Variants in FNDC3B observed in about 807,000 individuals in gnomAD.
The protein encoded by FNDC3B is fibronectin type III domain-containing protein 3B.
A neutral mutation model predicts 151.5 loss-of-function variants in FNDC3B; 12 were observed. That is an observed-to-expected ratio of 0.08 (90% CI 0.05 to 0.13). FNDC3B has a LOEUF of 0.13. FNDC3B is among the 10% of genes least tolerant of loss of function. The probability of loss-of-function intolerance (pLI) is 1.00; values close to 1 mark genes in which losing one functional copy is unlikely to be tolerated. For missense variants in FNDC3B, 1,214 were observed against 1,505.3 expected (o/e 0.81, Z 3.20); for synonymous variants, 528 against 549.0 (o/e 0.96, Z 0.54).
At chr3:172,368,387 A>G (rs1285084) in intron 23 of FNDC3B, among the ~76,000 whole-genome samples, 144,126 of 152,280 alleles carry the variant, frequency 0.95, 68,349 homozygotes, top group East Asian at 1. Context: ...CCATGTTGCC[A>G]AATTAAATGA....
intron 3 of FNDC3B, among the ~76,000 whole-genome samples, chr3:172,181,409 A>C (rs1371019672): frequency 3.4e-5 from 5 of 145,136 alleles, no homozygotes; most frequent in Middle Eastern, 3.5e-3. Context: ...AAAAAAAAAA[A>C]AAAAACAAAA....
At chr3:172,317,698 A>G (rs562397333) in intron 11 of FNDC3B, among the ~76,000 whole-genome samples, 5 of 152,244 alleles carry the variant, frequency 3.3e-5, no homozygotes, top group Admixed American at 6.5e-5. Context: ...TATTGTTGAT[A>G]TAAGTTTACC....
rs71904311 is a variant in FNDC3B at position 172,346,213 on chromosome 3, TTGA to T, written c.2251-105_2251-103del. On this transcript the variant is annotated intron_variant, in intron 19 of 25. Coordinates refer to ENST00000415807, the MANE Select transcript of FNDC3B (RefSeq NM_022763.4). Reference sequence around the variant, plus strand: ...GGGTAATATTTGTTAATTAGTTGTGTTGATGATGATGTTAGCCTAGCTTTTATT... The same window carrying T: ...GGGTAATATTTGTTAATTAGTTGTGTTGATGATGTTAGCCTAGCTTTTATT... The T allele has an allele frequency of 8.8e-3, 4,485 of 507,188 alleles. 193 individuals carry two copies. Among genetic ancestry groups the T allele is most frequent in the African/African-American group, 0.078 (4,021 of 51,380 alleles). The allele number at this position is 507,188 out of a possible 1,614,324, so 31.4% of individuals were successfully genotyped here.
chr3:172,117,209 T>A (rs1016204951), intron 2 of FNDC3B, among the ~76,000 whole-genome samples: 1 of 152,238 alleles, frequency 6.6e-6, no homozygotes, highest in Non-Finnish European at 1.5e-5. Flanking sequence ...ACAGCCTAGC[T>A]TAGCTAAATA....
chr3:172,362,448 C>G (rs1576946977), intron 22 of FNDC3B, among the ~76,000 whole-genome samples, 185 bp from the exon 23 acceptor site: 1 of 151,770 alleles, frequency 6.6e-6, no homozygotes, highest in East Asian at 1.9e-4. Flanking sequence ...TAAATGGAGA[C>G]TATAGTCTGT....
rs78937402 is a variant in FNDC3B, at chr3:172,166,252, T to G, written c.187+32706T>G. Among the ~76,000 whole-genome samples the G allele has an allele frequency of 3.9e-5, 6 of 152,366 alleles. No homozygotes were observed. The East Asian group carries it at 1.2e-3, about 29-fold the overall frequency. Reference sequence around the variant, plus strand: ...TGACTTTTCCCAGTATATATTGGACTATTTTGATCACTGCTATATGCTTCT... The same window carrying G: ...TGACTTTTCCCAGTATATATTGGACGATTTTGATCACTGCTATATGCTTCT... On this transcript the variant is annotated intron_variant, in intron 3 of 25. Transcript: ENST00000415807.
At position 172,266,947 on chromosome 3, in the gene FNDC3B, G is replaced by T. The variant is rs1728951371; in HGVS notation, c.790+15406G>T. Among the ~76,000 whole-genome samples, 3 of 152,188 alleles carry T rather than the reference G, an allele frequency of 2.0e-5. No individual in the cohort carries two copies. The South Asian group carries it at 6.2e-4, about 31-fold the overall frequency. The stretch of plus-strand genomic sequence containing the variant: ...CCTGGCTGAGCCAGCCCATTTGGCT[G>T]CATCCTAGGTCTGATTGATACACCC... On this transcript the variant is annotated intron_variant, in intron 6 of 25. Coordinates refer to ENST00000415807, the MANE Select transcript of FNDC3B (RefSeq NM_022763.4).
chr3:172,399,648 T>C lies in FNDC3B; in HGVS notation c.*2173T>C, dbSNP rs1736473761. The C allele has an allele frequency of 9.1e-6, 1 of 110,488 alleles. No individual in the cohort carries two copies. The highest frequency in any genetic ancestry group is 2.5e-4 in the South Asian group (1 of 3,966). The allele number at this position is 110,488 out of a possible 1,614,324, so 6.8% of individuals were successfully genotyped here. A position where few individuals can be genotyped will look rare whatever the true frequency, so the allele number is the denominator to read the frequency against. On this transcript the variant is annotated 3_prime_UTR_variant, in exon 26 of 26. Coordinates refer to ENST00000415807, the MANE Select transcript of FNDC3B (RefSeq NM_022763.4). The stretch of plus-strand genomic sequence containing the variant: ...AAACTCACCCCCTTATTTAAATGTG[T>C]GCTATGACCCACTATGACCACAGCA...
chr3:172,362,745 G>A lies in FNDC3B; in HGVS notation c.2908G>A (p.Gly970Ser), dbSNP rs778763482. Residue 970 changes from glycine (G) to serine (S), a missense_variant, in exon 23 of 26, where the codon GGT (glycine) becomes AGT (serine). Gly to Ser is a moderately conservative substitution (Grantham distance 56, BLOSUM62 0). Around this residue, in one of 7 missense-constraint regions of FNDC3B, gnomAD observed 284 missense variants for 392.4 expected, o/e 0.72. Transcript: ENST00000415807. The stretch of plus-strand genomic sequence containing the variant: ...TCCTAGGCTAGAATGTGCTGCTGCT[G>A]GTCCTCAGAGCCTGAAGCTAAAATG... ...LPPRLECAAA[G>S]PQSLKLKWGD... The A allele has an allele frequency of 1.9e-6, 3 of 1,613,994 alleles. No homozygotes were observed. The highest frequency in any genetic ancestry group is 2.5e-6 in the Non-Finnish European group (3 of 1,179,976).
chr3:172,082,381 TG>T (rs1211498560), intron 1 of FNDC3B, among the ~76,000 whole-genome samples: 1 of 152,238 alleles, frequency 6.6e-6, no homozygotes, highest in African/African-American at 2.4e-5. Flanking sequence ...GCTGGATGCT[TG>T]GCATTTCTGC....
chr3:172,367,111 A>G (rs1192896212), intron 23 of FNDC3B, among the ~76,000 whole-genome samples: 1 of 152,166 alleles, frequency 6.6e-6, no homozygotes, highest in Non-Finnish European at 1.5e-5. Context: ...CTGGGATAGG[A>G]CATTTGTTTC....
intron 9 of FNDC3B, among the ~76,000 whole-genome samples, chr3:172,299,615 G>A (rs1730799025): frequency 7.2e-6 from 1 of 139,632 alleles, no homozygotes; most frequent in South Asian, 2.2e-4. Flanking sequence ...ACAACACATT[G>A]TTTCCCTTTT....
intron 16 of FNDC3B, among the ~76,000 whole-genome samples, chr3:172,339,949 A>G (rs1239353359): frequency 6.6e-6 from 1 of 152,246 alleles, no homozygotes; most frequent in Non-Finnish European, 1.5e-5. Context: ...CGCTGGGGGA[A>G]TTTGTGGAAG....
chr3:172,238,870 A>T (rs1020906636), intron 4 of FNDC3B, among the ~76,000 whole-genome samples: 2 of 152,170 alleles, frequency 1.3e-5, no homozygotes, highest in Non-Finnish European at 2.9e-5. Flanking sequence ...AATGTTTGTG[A>T]TAAAATCATG....
chr3:172,168,804 C>T lies in FNDC3B; in HGVS notation c.187+35258C>T, dbSNP rs565232576. ...CTCGGCTCACTGCAACCTCCGCTTC[C>T]CGGGTTCAAGTGATTCTCCTGTCTC... On this transcript the variant is annotated intron_variant, in intron 3 of 25. Coordinates refer to ENST00000415807, the MANE Select transcript of FNDC3B (RefSeq NM_022763.4). Among the ~76,000 whole-genome samples, 19 of 150,684 alleles carry T rather than the reference C, an allele frequency of 1.3e-4. No homozygotes were observed. In the South Asian group the frequency reaches 3.8e-3, roughly 30 times the overall value.
chr3:172,361,676 C>A (rs1203733716), intron 22 of FNDC3B, among the ~76,000 whole-genome samples: 6 of 152,160 alleles, frequency 3.9e-5, no homozygotes, highest in Non-Finnish European at 8.8e-5. Context: ...CAGTGTCTGC[C>A]CATTACCCAC....
At chr3:172,168,481 T>G (rs146283835) in intron 3 of FNDC3B, among the ~76,000 whole-genome samples, 1 of 152,224 alleles carries the variant, frequency 6.6e-6, no homozygotes, top group African/African-American at 2.4e-5. Context: ...TGGTGATAGC[T>G]TCTATCACAT....
chr3:172,330,409 C>A, intron 12 of FNDC3B, 132 bp from the exon 13 acceptor site: 1 of 676,952 alleles, frequency 1.5e-6, no homozygotes, highest in Non-Finnish European at 2.4e-6. Context: ...TCACACACAG[C>A]ATCCTTACCT....
chr3:172,388,820 T>C (rs1486993361), intron 25 of FNDC3B, among the ~76,000 whole-genome samples: 6 of 152,284 alleles, frequency 3.9e-5, no homozygotes, highest in African/African-American at 9.6e-5. Flanking sequence ...GTGTTACACA[T>C]GATTTCTGCA....
Sources: gnomAD v4.1 joint callset for allele counts (sites outside exome capture counted in the v4.1 genomes callset) on GRCh38, gnomAD v4.1.1 for gene constraint, gnomAD v4.1.1 regional missense constraint, MANE v1.5 for transcripts, NCBI Gene and HGNC (gene_info 2026-07-23, HGNC 2026-07-21) for gene names.